SETD5: variants seen among roughly 807,000 people sequenced by gnomAD.
SETD5 encodes the protein histone-lysine N-methyltransferase SETD5.
SETD5 carries 44 observed loss-of-function variants against 153.3 expected under a neutral mutation model. The observed-to-expected ratio is 0.29, with a 90% CI of 0.23 to 0.37. SETD5 has a LOEUF of 0.37. Ranked by LOEUF, SETD5 falls within the 10% of genes least tolerant of loss-of-function variation. The probability of loss-of-function intolerance (pLI) is 1.00; values close to 1 mark genes in which losing one functional copy is unlikely to be tolerated. For missense variants in SETD5, 1,544 were observed against 1,768.0 expected, an observed-to-expected ratio of 0.87 and a Z score of 2.27; for synonymous variants, 716 against 645.2, an observed-to-expected ratio of 1.11 and a Z score of -1.66.
At chr3:9,470,361 C>G in intron 18 of SETD5, 98 bp from the exon 19 acceptor site, 2 of 880,014 alleles carry the variant, frequency 2.3e-6, no homozygotes, top group Non-Finnish European at 3.7e-6. Context: ...TCCCTCTTAT[C>G]TTTCCCTGTT....
intron 2 of SETD5, among the ~76,000 whole-genome samples, chr3:9,424,901 C>A (rs1035473336): frequency 2.0e-5 from 3 of 151,966 alleles, no homozygotes; most frequent in African/African-American, 7.3e-5. Context: ...ATTAAGAAGC[C>A]TCATCATTAT....
At chr3:9,431,441 C>T in intron 3 of SETD5, 2 of 959,764 alleles carry the variant, frequency 2.1e-6, no homozygotes, top group Non-Finnish European at 2.5e-6. Flanking sequence ...TTATTCCAAA[C>T]TTTTAATTCA....
intron 17 of SETD5, among the ~76,000 whole-genome samples, chr3:9,459,163 C>T (rs913010849): frequency 6.6e-5 from 10 of 151,886 alleles, no homozygotes; most frequent in Admixed American, 2.6e-4. Context: ...GCGGGTGAGA[C>T]GAAACTCTGT....
intron 17 of SETD5, among the ~76,000 whole-genome samples, chr3:9,455,669 G>C (rs2043147444): frequency 6.6e-6 from 1 of 151,918 alleles, no homozygotes; most frequent in Non-Finnish European, 1.5e-5. Context: ...TAAGGTGTTA[G>C]TAAGAATATA....
At chr3:9,442,036 C>T in intron 9 of SETD5, 92 bp from the exon 10 acceptor site, 1 of 866,710 alleles carries the variant, frequency 1.2e-6, no homozygotes, top group Admixed American at 2.2e-5. Context: ...AAGACTGCTG[C>T]TGCTTCTCTC....
At chr3:9,473,960 T>A (rs1446579649) in intron 20 of SETD5, among the ~76,000 whole-genome samples, 1 of 152,232 alleles carries the variant, frequency 6.6e-6, no homozygotes, top group Non-Finnish European at 1.5e-5. Flanking sequence ...TTGTCTGGTT[T>A]AGGGGAGACC....
At chr3:9,407,827 C>G (rs1032600099) in intron 1 of SETD5, among the ~76,000 whole-genome samples, 16 of 151,938 alleles carry the variant, frequency 1.1e-4, no homozygotes, top group Admixed American at 2.0e-4. Context: ...ATGGAGAAAC[C>G]CCATCTCTAC....
At chr3:9,458,934 C>T (rs2043586630) in intron 17 of SETD5, among the ~76,000 whole-genome samples, 1 of 152,152 alleles carries the variant, frequency 6.6e-6, no homozygotes, top group African/African-American at 2.4e-5. Flanking sequence ...GACTCAGACA[C>T]ATCTTTATTA....
At chr3:9,455,899 T>G (rs910051466) in intron 17 of SETD5, among the ~76,000 whole-genome samples, 1 of 152,130 alleles carries the variant, frequency 6.6e-6, no homozygotes, top group Non-Finnish European at 1.5e-5. Flanking sequence ...TCTGCCCTAG[T>G]CTAACAGTGA....
At chr3:9,411,378 TAA>T in intron 1 of SETD5, among the ~76,000 whole-genome samples, 1 of 152,346 alleles carries the variant, frequency 6.6e-6, no homozygotes, top group South Asian at 2.1e-4. Flanking sequence ...ATTAAAACTT[TAA>T]AAGTCTTGTA....
intron 18 of SETD5, among the ~76,000 whole-genome samples, chr3:9,466,145 G>T (rs910634894): frequency 1.3e-5 from 2 of 151,908 alleles, no homozygotes; most frequent in African/African-American, 4.8e-5. Flanking sequence ...AATATTAGCC[G>T]GGCGTGGTAG....
Position 9,434,572 on chromosome 3 carries a change from T to A in SETD5, c.329+87T>A. The A allele has an allele frequency of 6.4e-7, 1 of 1,569,980 alleles. No individual in the cohort carries two copies. The highest frequency in any genetic ancestry group is 8.6e-7 in the Non-Finnish European group (1 of 1,157,642). On this transcript the variant is annotated intron_variant, in intron 5 of 22. Transcript: ENST00000402198. This position sits in a 1 kb window ranked among gnomAD's most constrained non-coding sequence, Gnocchi z 5.6. ...AGGGAAAAGCTCAAAGTATTCTTTC[T>A]TGTGTTTGTTAATGTAGATGATTCC...
At chr3:9,455,068 A>G (rs892702008) in intron 17 of SETD5, among the ~76,000 whole-genome samples, 1 of 152,100 alleles carries the variant, frequency 6.6e-6, no homozygotes, top group African/African-American at 2.4e-5. Flanking sequence ...AGATATTGCA[A>G]CTAAAATCAG....
Position 9,476,362 on chromosome 3 carries a change from A to G in SETD5, c.*271A>G. 1 of 431,522 alleles carries G rather than the reference A, an allele frequency of 2.3e-6. No individual in the cohort carries two copies. The highest frequency in any genetic ancestry group is 3.1e-5 in the South Asian group (1 of 32,094). The allele number at this position is 431,522 out of a possible 1,614,324, so 26.7% of individuals were successfully genotyped here. A position where few individuals can be genotyped will look rare whatever the true frequency, so the allele number is the denominator to read the frequency against. ...ACAAGCAAATGGTGTTTCGGTTAGT[A>G]ACGGTTCTAAGTGCAATGAGTTGTG... On this transcript the variant is annotated 3_prime_UTR_variant, in exon 23 of 23. Transcript: ENST00000402198.
chr3:9,434,352 G>A lies in SETD5; in HGVS notation c.196G>A (p.Asp66Asn), dbSNP rs1186483261. ...TGTCCAGACGATCATCCCTCGTTCTGACCTGAATGGCCTGCCGTCGCCTGT... is the reference window on the plus strand; with the variant it reads ...TGTCCAGACGATCATCCCTCGTTCTAACCTGAATGGCCTGCCGTCGCCTGT... ...LPYATIIPRS[D>N]LNGLPSPVEE... The change falls in exon 5 of 23, where the codon GAC becomes AAC. Residue 66 changes from aspartate (D) to asparagine (N), a missense_variant. Asp to Asn is a conservative substitution (Grantham distance 23). Around this residue, in one of 9 missense-constraint regions of SETD5, gnomAD observed 251 missense variants for 326.9 expected, o/e 0.77. Transcript: ENST00000402198. This position sits in a 1 kb window ranked among gnomAD's most constrained non-coding sequence, Gnocchi z 5.6. 18 of 1,613,854 alleles carry A rather than the reference G, an allele frequency of 1.1e-5. No homozygotes were observed. The highest frequency in any genetic ancestry group is 1.5e-5 in the Non-Finnish European group (18 of 1,179,822).
chr3:9,415,202 TG>T (rs557304492), intron 1 of SETD5, among the ~76,000 whole-genome samples: 140 of 152,366 alleles, frequency 9.2e-4, no homozygotes, highest in African/African-American at 3.2e-3. Flanking sequence ...ATCAGTTTCC[TG>T]GGACTAATTT....
intron 17 of SETD5, among the ~76,000 whole-genome samples, chr3:9,463,201 T>G (rs28589560): frequency 0.01 from 1,591 of 152,266 alleles, 30 homozygotes; most frequent in African/African-American, 0.036. Flanking sequence ...TTTTGTGTAT[T>G]TAGTAGAGAC....
At chr3:9,419,057 C>A (rs1247148927) in intron 1 of SETD5, among the ~76,000 whole-genome samples, 1 of 152,038 alleles carries the variant, frequency 6.6e-6, no homozygotes, top group East Asian at 1.9e-4. Context: ...AAACTCCTGA[C>A]CTCAGGTGAT....
intron 20 of SETD5, 111 bp downstream of exon 20, chr3:9,473,648 T>A: frequency 1.8e-6 from 2 of 1,115,864 alleles, no homozygotes; most frequent in Non-Finnish European, 2.5e-6. Flanking sequence ...TGGGAACATC[T>A]GAGACAGCCA....
Sources: gnomAD v4.1 joint callset for allele counts (sites outside exome capture counted in the v4.1 genomes callset) on GRCh38, gnomAD v4.1.1 for gene constraint, gnomAD v4.1.1 regional missense constraint, Gnocchi (gnomAD v3.1) non-coding constraint, MANE v1.5 for transcripts, NCBI Gene and HGNC (gene_info 2026-07-23, HGNC 2026-07-21) for gene names.